The following KRAS variants were observed in gnomAD, a reference collection of about 807,000 sequenced individuals.
The protein encoded by KRAS is GTPase KRas.
KRAS carries 1 observed loss-of-function variant against 21.0 expected under a neutral mutation model. The ratio of observed to expected loss-of-function variants is 0.05; its 90% CI spans 0.02 to 0.23. The LOEUF is 0.23. KRAS is among the 10% of genes least tolerant of loss of function. The pLI is 1.00. For synonymous variants in KRAS, 67 were observed against 72.5 expected, an observed-to-expected ratio of 0.92 and a Z score of 0.39; for missense variants, 107 against 221.8, an observed-to-expected ratio of 0.48 and a Z score of 3.29.
intron 4 of KRAS, among the ~76,000 whole-genome samples, chr12:25,212,813 C>CCTGG (rs1951212844): frequency 6.6e-6 from 1 of 152,202 alleles, no homozygotes; most frequent in Non-Finnish European, 1.5e-5. Context: ...GTCTTAAACT[C>CCTGG]CTGGCCTCAA....
chr12:25,231,615 A>G (rs889207000), intron 2 of KRAS, among the ~76,000 whole-genome samples: 1 of 152,134 alleles, frequency 6.6e-6, no homozygotes, highest in African/African-American at 2.4e-5. Context: ...TCTCATTCCT[A>G]TTATCTTTTC....
At chr12:25,232,257 C>A (rs1326486862) in intron 2 of KRAS, among the ~76,000 whole-genome samples, 2 of 152,148 alleles carry the variant, frequency 1.3e-5, no homozygotes, top group Admixed American at 6.5e-5. Flanking sequence ...ATCTTGCCCA[C>A]TGTTTTTGTA....
Position 25,207,725 on chromosome 12 carries a change from C to G in KRAS, c.*2070G>C, listed in dbSNP as rs965203777. 8.6e-6 allele frequency: 2 copies of G among 232,450 alleles called. No individual in the cohort carries two copies. Among genetic ancestry groups the G allele is most frequent in the Non-Finnish European group, 1.7e-5 (2 of 117,672 alleles). The allele number at this position is 232,450 out of a possible 1,614,324, so 14.4% of individuals were successfully genotyped here. The stretch of plus-strand genomic sequence containing the variant: ...CCAGGTTTGAAAAATCCTACTGTCG[C>G]TAATGGATTGGGCAGCAAAGAGATG... On this transcript the variant is annotated 3_prime_UTR_variant, in exon 5 of 5. Transcript: ENST00000311936.
At chr12:25,224,029 T>C (rs1355138719) in intron 4 of KRAS, among the ~76,000 whole-genome samples, 2 of 151,966 alleles carry the variant, frequency 1.3e-5, no homozygotes, top group Non-Finnish European at 2.9e-5. Context: ...AAAGTTCCTA[T>C]TGCTTAGTGA....
intron 1 of KRAS, among the ~76,000 whole-genome samples, chr12:25,247,381 G>C (rs772674564): frequency 6.6e-6 from 1 of 152,124 alleles, no homozygotes; most frequent in Non-Finnish European, 1.5e-5. Flanking sequence ...TATCACACAC[G>C]GTCACGGCAT....
intron 1 of KRAS, among the ~76,000 whole-genome samples, chr12:25,249,687 T>TGTAA (rs995269590): frequency 1.3e-5 from 2 of 151,302 alleles, no homozygotes; most frequent in African/African-American, 4.9e-5. Context: ...TAAAAAATCA[T>TGTAA]GTAAGTGCTG....
intron 2 of KRAS, among the ~76,000 whole-genome samples, chr12:25,238,852 C>T (rs1951574768): frequency 6.6e-6 from 1 of 152,196 alleles, no homozygotes. Context: ...ATAAACAACA[C>T]TGCAGTAAAC....
intron 4 of KRAS, among the ~76,000 whole-genome samples, chr12:25,222,892 G>GA (rs1951345260): frequency 6.6e-6 from 1 of 152,150 alleles, no homozygotes; most frequent in South Asian, 2.1e-4. Flanking sequence ...TATCAAATGA[G>GA]AAGTGGACAG....
intron 1 of KRAS, among the ~76,000 whole-genome samples, chr12:25,250,168 C>T (rs1565893887): frequency 6.6e-6 from 1 of 152,168 alleles, no homozygotes; most frequent in Admixed American, 6.5e-5. Flanking sequence ...TCTTCCAAAA[C>T]GTGACCTCCC....
chr12:25,233,127 C>T (rs1951496350), intron 2 of KRAS, among the ~76,000 whole-genome samples: 1 of 152,120 alleles, frequency 6.6e-6, no homozygotes, highest in African/African-American at 2.4e-5. Flanking sequence ...CCACCACCAC[C>T]ACCACCATCC....
chr12:25,237,495 T>C (rs1429527319), intron 2 of KRAS, among the ~76,000 whole-genome samples: 5 of 152,186 alleles, frequency 3.3e-5, no homozygotes, highest in Non-Finnish European at 7.3e-5. Flanking sequence ...CCTGTACTCA[T>C]GGGTTGTCCT....
intron 4 of KRAS, among the ~76,000 whole-genome samples, chr12:25,221,024 CAAAAAAAAA>C (rs67015511): frequency 1.2e-5 from 1 of 84,812 alleles, no homozygotes; most frequent in Non-Finnish European, 2.2e-5. Flanking sequence ...GACTCTGCCT[CAAAAAAAAA>C]AAAAAAAAAA....
chr12:25,245,053 GCA>G (rs1317978678), intron 2 of KRAS, among the ~76,000 whole-genome samples: 1 of 152,232 alleles, frequency 6.6e-6, no homozygotes, highest in East Asian at 1.9e-4. Context: ...CAATCAAAAT[GCA>G]CAGAGAGTGA....
At chr12:25,219,361 T>C (rs912868121) in intron 4 of KRAS, among the ~76,000 whole-genome samples, 2 of 152,196 alleles carry the variant, frequency 1.3e-5, no homozygotes, top group South Asian at 2.1e-4. Flanking sequence ...AATCAAGAGA[T>C]TGACAACATT....
intron 2 of KRAS, chr12:25,234,328 A>G (rs1026416073): frequency 5.5e-6 from 1 of 180,336 alleles, no homozygotes; most frequent in Non-Finnish European, 1.2e-5. Flanking sequence ...TATCTTGGAA[A>G]AAAGAAAGAG....
At chr12:25,211,001 T>C (rs1156990900) in intron 4 of KRAS, 1 of 152,162 alleles carries the variant, frequency 6.6e-6, no homozygotes, top group African/African-American at 2.4e-5. Flanking sequence ...AGAAAAAATA[T>C]GATTCTCTCT....
At chr12:25,226,426 C>G (rs1951392310) in intron 3 of KRAS, among the ~76,000 whole-genome samples, 1 of 152,048 alleles carries the variant, frequency 6.6e-6, no homozygotes, top group Non-Finnish European at 1.5e-5. Context: ...GCTCAAATTC[C>G]CGGTTCCGAA....
chr12:25,233,531 G>A (rs568250483), intron 2 of KRAS, among the ~76,000 whole-genome samples: 1 of 152,292 alleles, frequency 6.6e-6, no homozygotes, highest in Admixed American at 6.5e-5. Flanking sequence ...GTTAGATCAT[G>A]TCATTCACTT....
intron 4 of KRAS, among the ~76,000 whole-genome samples, chr12:25,222,861 G>A (rs1314818409): frequency 6.6e-6 from 1 of 152,148 alleles, no homozygotes; most frequent in Non-Finnish European, 1.5e-5. Flanking sequence ...CCAAAAAGGA[G>A]ACACAGCTAT....
Sources: allele counts gnomAD v4.1 joint callset (sites outside exome capture counted in the v4.1 genomes callset), GRCh38; gene constraint gnomAD v4.1.1; transcripts MANE v1.5; gene names NCBI Gene and HGNC (gene_info 2026-07-23, HGNC 2026-07-21).